Variants in CSMD3 observed in about 807,000 individuals in gnomAD.
CSMD3 encodes the protein CUB and sushi domain-containing protein 3.
In CSMD3, 177 loss-of-function variants were observed where a neutral mutation model predicts 435.2. That is an observed-to-expected ratio of 0.41 (90% CI 0.36 to 0.46). The LOEUF (loss-of-function observed/expected upper bound fraction) is 0.46, where lower values mean the gene tolerates loss of function less well. Among genes scored for constraint, CSMD3 ranks in the 20% least tolerant of loss-of-function variants. CSMD3 has a pLI of 0.34. For synonymous variants in CSMD3, 1,656 were observed against 1,520.5 expected (o/e 1.09, Z -2.07); for missense variants, 4,265 against 4,504.6 (o/e 0.95, Z 1.52).
chr8:112,870,221 T>C (rs1181418956), intron 10 of CSMD3, among the ~76,000 whole-genome samples: 2 of 151,066 alleles, frequency 1.3e-5, no homozygotes, highest in African/African-American at 4.9e-5. Flanking sequence ...CATTAGAGAA[T>C]TGCAAATCAA....
intron 9 of CSMD3, 118 bp from the exon 10 acceptor site, chr8:112,921,869 T>A: frequency 1.3e-6 from 1 of 771,504 alleles, no homozygotes; most frequent in Admixed American, 2.1e-5. Context: ...AAAAAGTATT[T>A]TGGAAAACAA....
At chr8:113,026,239 T>G (rs989705007) in intron 5 of CSMD3, among the ~76,000 whole-genome samples, 3 of 152,154 alleles carry the variant, frequency 2.0e-5, no homozygotes, top group Non-Finnish European at 2.9e-5. Context: ...AAGAAGTCTC[T>G]CCCATCCCCA....
chr8:113,316,395 G>A (rs1316343159), intron 1 of CSMD3, among the ~76,000 whole-genome samples: 1 of 152,150 alleles, frequency 6.6e-6, no homozygotes, highest in Non-Finnish European at 1.5e-5. Flanking sequence ...CTTTTTAAAA[G>A]TAAGAGGAAT....
intron 9 of CSMD3, among the ~76,000 whole-genome samples, chr8:112,941,918 A>AT (rs35833284): frequency 1.3e-5 from 2 of 151,502 alleles, no homozygotes; most frequent in Non-Finnish European, 3.0e-5. Context: ...AGCATGGTAA[A>AT]TTTTTTTGCA....
intron 1 of CSMD3, among the ~76,000 whole-genome samples, chr8:113,345,208 A>G (rs1348012095): frequency 6.6e-6 from 1 of 152,204 alleles, no homozygotes; most frequent in African/African-American, 2.4e-5. Context: ...TATAAACCCA[A>G]CCTACTTTAA....
chr8:112,392,603 A>G (rs1234950310), intron 35 of CSMD3, among the ~76,000 whole-genome samples: 1 of 151,912 alleles, frequency 6.6e-6, no homozygotes, highest in Non-Finnish European at 1.5e-5. Flanking sequence ...GATGAAAAAA[A>G]AATACTTTAT....
At chr8:112,373,423 C>T (rs890025003) in intron 38 of CSMD3, among the ~76,000 whole-genome samples, 5 of 152,090 alleles carry the variant, frequency 3.3e-5, no homozygotes, top group African/African-American at 4.8e-5. Context: ...CCTGTTTACA[C>T]ACACACACCA....
intron 2 of CSMD3, among the ~76,000 whole-genome samples, chr8:113,283,453 T>C (rs775303982): frequency 6.6e-6 from 1 of 151,928 alleles, no homozygotes; most frequent in Non-Finnish European, 1.5e-5. Flanking sequence ...AAAGAAGATA[T>C]ACAAATGGCA....
chr8:113,249,635 C>A (rs1393433808), intron 3 of CSMD3, among the ~76,000 whole-genome samples: 1 of 151,870 alleles, frequency 6.6e-6, no homozygotes. Context: ...TTGAATATGG[C>A]ATATAATATT....
intron 6 of CSMD3, among the ~76,000 whole-genome samples, chr8:113,008,668 T>C (rs1305355511): frequency 1.3e-5 from 2 of 151,728 alleles, no homozygotes; most frequent in African/African-American, 4.8e-5. Flanking sequence ...TGTAGCTGTA[T>C]TGTAGTGAAG....
chr8:112,569,834 C>T (rs1829362441), intron 24 of CSMD3, among the ~76,000 whole-genome samples: 1 of 152,096 alleles, frequency 6.6e-6, no homozygotes, highest in South Asian at 2.1e-4. Context: ...TGTAATACTT[C>T]CCACAATTAT....
At chr8:112,617,400 T>G (rs981293870) in intron 22 of CSMD3, among the ~76,000 whole-genome samples, 1 of 152,184 alleles carries the variant, frequency 6.6e-6, no homozygotes, top group African/African-American at 2.4e-5. Flanking sequence ...AATTAATGTT[T>G]AAAACACAAG....
chr8:112,543,235 G>A (rs905373932), intron 27 of CSMD3, among the ~76,000 whole-genome samples: 17 of 152,118 alleles, frequency 1.1e-4, no homozygotes, highest in Admixed American at 8.5e-4. Flanking sequence ...CATAGGTGAC[G>A]AAAGCAAAAA....
chr8:113,404,189 TA>T (rs1241203181), intron 1 of CSMD3, among the ~76,000 whole-genome samples: 5 of 151,376 alleles, frequency 3.3e-5, no homozygotes, highest in Non-Finnish European at 7.4e-5. Flanking sequence ...ATATGAATAA[TA>T]AAAAGTAAAG....
intron 4 of CSMD3, among the ~76,000 whole-genome samples, chr8:113,113,780 A>G (rs1017138338): frequency 2.6e-5 from 4 of 152,224 alleles, no homozygotes; most frequent in Non-Finnish European, 5.9e-5. Context: ...ACAAATGCGA[A>G]TCAATAACCC....
chr8:112,549,525 C>A (rs1446710390), intron 27 of CSMD3, among the ~76,000 whole-genome samples: 5 of 152,084 alleles, frequency 3.3e-5, no homozygotes, highest in African/African-American at 4.8e-5. Flanking sequence ...TCAGCCAAGA[C>A]AATTGTTTAA....
At chr8:113,223,854 T>C (rs561102695) in intron 3 of CSMD3, among the ~76,000 whole-genome samples, 2 of 150,622 alleles carry the variant, frequency 1.3e-5, no homozygotes, top group East Asian at 3.9e-4. Flanking sequence ...CTAAAATACA[T>C]ATAATATTAT....
At chr8:113,073,708 T>C (rs1588017823) in intron 5 of CSMD3, among the ~76,000 whole-genome samples, 2 of 151,822 alleles carry the variant, frequency 1.3e-5, no homozygotes, top group Non-Finnish European at 3.0e-5. Context: ...ACAATTCTTT[T>C]TTTTTTCAGT....
chr8:112,764,539 A>C (rs1487396416), intron 13 of CSMD3, among the ~76,000 whole-genome samples: 16 of 151,534 alleles, frequency 1.1e-4, no homozygotes, highest in Admixed American at 9.9e-4. Flanking sequence ...CTCAATGGTA[A>C]ACTTGAGGGC....
Sources: gnomAD v4.1 joint callset for allele counts (sites outside exome capture counted in the v4.1 genomes callset) on GRCh38, gnomAD v4.1.1 for gene constraint, MANE v1.5 for transcripts, NCBI Gene and HGNC (gene_info 2026-07-23, HGNC 2026-07-21) for gene names.